Variants in FAM20B observed in about 807,000 individuals in gnomAD.
The protein encoded by FAM20B is glycosaminoglycan xylosylkinase.
A neutral mutation model predicts 43.8 loss-of-function variants in FAM20B; 23 were observed. The observed-to-expected ratio is 0.53, with a 90% confidence interval of 0.38 to 0.74. The LOEUF is 0.74. FAM20B is among the 30% of genes least tolerant of loss of function. FAM20B has a pLI of 0.00. For synonymous variants in FAM20B, 178 were observed against 192.4 expected, an observed-to-expected ratio of 0.93 and a Z score of 0.62; for missense variants, 440 against 510.5, an observed-to-expected ratio of 0.86 and a Z score of 1.33.
At chr1:179,018,499 G>C in the FAM20B span, among the ~76,000 whole-genome samples, 1 of 151,992 alleles carries the variant, frequency 6.6e-6, no homozygotes, top group African/African-American at 2.4e-5. Context: ...TAGAAGCGGG[G>C]TTTCACTATG....
intron 1 of FAM20B, among the ~76,000 whole-genome samples, chr1:179,028,107 C>G (rs1160146826): frequency 3.3e-5 from 5 of 152,202 alleles, no homozygotes; most frequent in Admixed American, 6.5e-5. Context: ...CTTTGTGTGT[C>G]TATCATTTCA....
In FAM20B at chr1:179,069,143, C is replaced by T. The variant is rs550657714; in HGVS notation, c.998+2284C>T. 5.2e-3 allele frequency among the ~76,000 whole-genome samples: 792 copies of T among 152,178 alleles called. 8 individuals are homozygous for T. The highest frequency in any genetic ancestry group is 0.018 in the African/African-American group (749 of 41,516). Reference sequence around the variant, plus strand: ...TCGGGAGAGTTATCCCCAGGCCAGGCTAAGGCTTCAGGTCACCAAGGACCC... The same window carrying T: ...TCGGGAGAGTTATCCCCAGGCCAGGTTAAGGCTTCAGGTCACCAAGGACCC... On this transcript the variant is annotated intron_variant, in intron 7 of 7. Transcript: ENST00000263733.
At chr1:179,033,555 A>G (rs748800937) in intron 1 of FAM20B, among the ~76,000 whole-genome samples, 5 of 152,100 alleles carry the variant, frequency 3.3e-5, no homozygotes, top group Admixed American at 1.3e-4. Context: ...TTATTTCCCT[A>G]TGTCTTCTCC....
intron 4 of FAM20B, among the ~76,000 whole-genome samples, chr1:179,058,870 T>A (rs1017712377): frequency 1.6e-4 from 24 of 152,106 alleles, no homozygotes; most frequent in Middle Eastern, 3.4e-3. Context: ...GGGAGAGCAA[T>A]TGAGAGAGAA....
chr1:179,044,942 T>A (rs1186469805), intron 2 of FAM20B, among the ~76,000 whole-genome samples: 1 of 152,248 alleles, frequency 6.6e-6, no homozygotes, highest in Non-Finnish European at 1.5e-5. Context: ...TTCCTGTTGC[T>A]CCACATCCTC....
Position 179,066,945 on chromosome 1 carries a change from A to G in FAM20B, c.998+86A>G, listed in dbSNP as rs565808854. 31 of 947,050 alleles carry G rather than the reference A, an allele frequency of 3.3e-5. No homozygotes were observed. The East Asian group carries it at 4.6e-4, about 14-fold the overall frequency. The allele number at this position is 947,050 out of a possible 1,614,324, so 58.7% of individuals were successfully genotyped here. A position where few individuals can be genotyped will look rare whatever the true frequency, so the allele number is the denominator to read the frequency against. ...AGTACATCCATTTTCTTGGCCCTCA[A>G]ACTTTCTGATACCTGAGCAGTGCTT... On this transcript the variant is annotated intron_variant, in intron 7 of 7. Coordinates refer to ENST00000263733, the MANE Select transcript of FAM20B (RefSeq NM_014864.4).
chr1:179,031,197 T>C (rs140953581), intron 1 of FAM20B, among the ~76,000 whole-genome samples: 216 of 152,360 alleles, frequency 1.4e-3, no homozygotes, highest in Middle Eastern at 6.8e-3. Flanking sequence ...TTCAACACTA[T>C]ACAGGAATTA....
intron 4 of FAM20B, 50 bp from the exon 5 acceptor site, chr1:179,063,877 G>A: frequency 7.3e-7 from 1 of 1,366,550 alleles, no homozygotes; most frequent in Non-Finnish European, 1.0e-6. Flanking sequence ...GAGAGAACTT[G>A]GAGTCTTCGT....
chr1:179,037,569 C>T (rs1192132251), intron 1 of FAM20B, among the ~76,000 whole-genome samples: 1 of 146,906 alleles, frequency 6.8e-6, no homozygotes, highest in Non-Finnish European at 1.5e-5. Flanking sequence ...ACTGCAACCT[C>T]TCCCTCCCAG....
intron 4 of FAM20B, among the ~76,000 whole-genome samples, chr1:179,062,280 G>A (rs539827827): frequency 6.6e-6 from 1 of 152,280 alleles, no homozygotes; most frequent in South Asian, 2.1e-4. Flanking sequence ...AAGGACAGAG[G>A]TGGGAAATAT....
chr1:179,019,986 T>C, the FAM20B span, among the ~76,000 whole-genome samples: 2 of 152,198 alleles, frequency 1.3e-5, no homozygotes, highest in Non-Finnish European at 2.9e-5. Context: ...TCTTTCTCCC[T>C]GGGCTTATAG....
At chr1:179,047,348 T>C (rs3766635) in intron 2 of FAM20B, among the ~76,000 whole-genome samples, 21,498 of 152,168 alleles carry the variant, frequency 0.14, 1,772 homozygotes, top group East Asian at 0.31. Context: ...ATTATCACTA[T>C]GTTCCCCAGC....
At chr1:179,048,459 T>G (rs1265853362) in intron 2 of FAM20B, among the ~76,000 whole-genome samples, 1 of 152,252 alleles carries the variant, frequency 6.6e-6, no homozygotes, top group African/African-American at 2.4e-5. Flanking sequence ...CATTTTACTC[T>G]GCGCAGCCTT....
intron 1 of FAM20B, among the ~76,000 whole-genome samples, chr1:179,028,777 C>T (rs1337322231): frequency 6.6e-6 from 1 of 151,974 alleles, no homozygotes; most frequent in Non-Finnish European, 1.5e-5. Context: ...CCTGACAGTG[C>T]CTGTATGTAG....
chr1:179,066,438 C>T (rs918681292), intron 6 of FAM20B, among the ~76,000 whole-genome samples: 1 of 151,982 alleles, frequency 6.6e-6, no homozygotes, highest in African/African-American at 2.4e-5. Flanking sequence ...ATATAAATGG[C>T]TTTTATTTCT....
At chr1:179,061,115 G>A (rs1367084783) in intron 4 of FAM20B, among the ~76,000 whole-genome samples, 1 of 125,648 alleles carries the variant, frequency 8.0e-6, no homozygotes, top group African/African-American at 3.1e-5. Context: ...GTTTTGCTGT[G>A]TCACCCAGGC....
At chr1:179,056,143 A>C (rs1214263219) in intron 4 of FAM20B, among the ~76,000 whole-genome samples, 3 of 151,968 alleles carry the variant, frequency 2.0e-5, no homozygotes, top group African/African-American at 7.3e-5. Context: ...CATCATAATC[A>C]CCCAGACTCC....
rs577877113 is a variant in FAM20B, at chr1:179,071,070, G to A, written c.999-843G>A. ...AGCACTTTGGGAGGCCGAGGCGGGC[G>A]GATCACGAGGTCAGGAGATCAAGAC... On this transcript the variant is annotated intron_variant, in intron 7 of 7. Transcript: ENST00000263733. Among the ~76,000 whole-genome samples the A allele has an allele frequency of 3.3e-5, 5 of 151,848 alleles. No individual in the cohort carries two copies. In the South Asian group the frequency reaches 6.2e-4, roughly 19 times the overall value.
chr1:179,064,241 C>G, intron 5 of FAM20B, 64 bp from the exon 6 acceptor site: 1 of 1,468,056 alleles, frequency 6.8e-7, no homozygotes, highest in Non-Finnish European at 9.3e-7. Context: ...TCTGTCTTCT[C>G]TTTGTGTGTA....
Sources: allele counts gnomAD v4.1 joint callset (sites outside exome capture counted in the v4.1 genomes callset), GRCh38; gene constraint gnomAD v4.1.1; transcripts MANE v1.5; gene names NCBI Gene and HGNC (gene_info 2026-07-23, HGNC 2026-07-21).